Variants in RALGAPA2 observed in about 807,000 individuals in gnomAD.
RALGAPA2 encodes the protein Ral GTPase activating protein catalytic subunit alpha 2.
In RALGAPA2, 139 loss-of-function variants were observed where a neutral mutation model predicts 230.4. That is an observed-to-expected ratio of 0.60 (90% CI 0.53 to 0.69). RALGAPA2 has a LOEUF of 0.69. Ranked by LOEUF, RALGAPA2 falls within the 30% of genes least tolerant of loss-of-function variation. The pLI is 0.00. For synonymous variants in RALGAPA2, 847 were observed against 837.8 expected, an observed-to-expected ratio of 1.01 and a Z score of -0.19; for missense variants, 2,163 against 2,276.0, an observed-to-expected ratio of 0.95 and a Z score of 1.01.
intron 23 of RALGAPA2, among the ~76,000 whole-genome samples, chr20:20,562,177 A>G (rs2064274614): frequency 6.6e-6 from 1 of 150,898 alleles, no homozygotes; most frequent in South Asian, 2.1e-4. Context: ...CAGTCTCAGA[A>G]GAAGGTCTTT....
chr20:20,466,100 G>T (rs2061416272), intron 37 of RALGAPA2, among the ~76,000 whole-genome samples: 1 of 152,234 alleles, frequency 6.6e-6, no homozygotes, highest in East Asian at 1.9e-4. Context: ...CTGGCACCAG[G>T]CCTCAGCACT....
At chr20:20,670,574 A>T (rs1021726991) in intron 3 of RALGAPA2, among the ~76,000 whole-genome samples, 2 of 152,044 alleles carry the variant, frequency 1.3e-5, no homozygotes, top group African/African-American at 4.8e-5. Context: ...CCACATCTCC[A>T]TTTGAAAGAC....
intron 17 of RALGAPA2, 90 bp from the exon 18 acceptor site, chr20:20,589,455 T>C: frequency 7.7e-7 from 1 of 1,301,838 alleles, no homozygotes; most frequent in South Asian, 1.4e-5. Context: ...AGGTAACTAT[T>C]AAATTTAAAT....
chr20:20,567,507 G>A (rs2064469296), intron 23 of RALGAPA2, among the ~76,000 whole-genome samples: 1 of 152,168 alleles, frequency 6.6e-6, no homozygotes, highest in Non-Finnish European at 1.5e-5. Context: ...CAAGGGCAGA[G>A]CCCAGGCAAA....
intron 9 of RALGAPA2, among the ~76,000 whole-genome samples, chr20:20,630,836 A>G (rs1233547814): frequency 6.6e-6 from 1 of 152,146 alleles, no homozygotes; most frequent in African/African-American, 2.4e-5. Flanking sequence ...TAGGACACAG[A>G]GGCTAGATTA....
At chr20:20,469,304 A>T (rs1158741737) in intron 37 of RALGAPA2, among the ~76,000 whole-genome samples, 1 of 152,252 alleles carries the variant, frequency 6.6e-6, no homozygotes, top group African/African-American at 2.4e-5. Flanking sequence ...AACAAGAAAG[A>T]AACAAGGTTG....
At chr20:20,486,614 C>T (rs1402392686) in intron 36 of RALGAPA2, among the ~76,000 whole-genome samples, 2 of 152,150 alleles carry the variant, frequency 1.3e-5, no homozygotes, top group African/African-American at 4.8e-5. Context: ...GTTCCTGGTG[C>T]TTCCTGGATC....
At chr20:20,636,391 T>G (rs2066858117) in intron 8 of RALGAPA2, among the ~76,000 whole-genome samples, 1 of 152,218 alleles carries the variant, frequency 6.6e-6, no homozygotes, top group African/African-American at 2.4e-5. Context: ...ACCATGTTTT[T>G]AAAATGAATT....
At chr20:20,508,639 G>T (rs533842055) in intron 33 of RALGAPA2, among the ~76,000 whole-genome samples, 1 of 152,164 alleles carries the variant, frequency 6.6e-6, no homozygotes, top group East Asian at 1.9e-4. Context: ...CAAGAGCAGT[G>T]AGATACATTG....
At chr20:20,667,297 G>C (rs1226047502) in intron 3 of RALGAPA2, among the ~76,000 whole-genome samples, 1 of 152,096 alleles carries the variant, frequency 6.6e-6, no homozygotes, top group Non-Finnish European at 1.5e-5. Flanking sequence ...AGCTCACCTG[G>C]AGCAATGAAG....
At position 20,526,315 on chromosome 20, in the gene RALGAPA2, C is replaced by T. The variant is rs201312392; in HGVS notation, c.3630G>A (p.Leu1210=). 8.1e-6 allele frequency: 13 copies of T among 1,608,366 alleles called. No homozygotes were observed. Among genetic ancestry groups the T allele is most frequent in the South Asian group, 1.1e-5 (1 of 89,096 alleles). Reference sequence around the variant, plus strand: ...GAAGCTTCTCCCAGTAGGAAACCAGCAACTGAAGGACATCGCAAGCTACCT... The same window carrying T: ...GAAGCTTCTCCCAGTAGGAAACCAGTAACTGAAGGACATCGCAAGCTACCT... ...VAQVACDVLQ[L]LVSYWEKLQM... Residue 1210 remains leucine, a synonymous_variant, in exon 28 of 40, where the codon TTG becomes TTA. Transcript: ENST00000202677.
At chr20:20,632,616 G>A (rs2066713165) in intron 9 of RALGAPA2, among the ~76,000 whole-genome samples, 1 of 152,224 alleles carries the variant, frequency 6.6e-6, no homozygotes, top group Non-Finnish European at 1.5e-5. Context: ...CACTTAAGAT[G>A]TGATGTAAAT....
chr20:20,556,264 C>T (rs1243158646), intron 23 of RALGAPA2, among the ~76,000 whole-genome samples: 5 of 152,158 alleles, frequency 3.3e-5, no homozygotes, highest in Admixed American at 2.6e-4. Flanking sequence ...TTTTCTCTGA[C>T]CAACACAACA....
In RALGAPA2 at chr20:20,586,423, G is replaced by A. The variant is rs1602951433; in HGVS notation, c.2440-1468C>T. Among the ~76,000 whole-genome samples the A allele has an allele frequency of 3.9e-5, 6 of 152,296 alleles. No homozygotes were observed. In the South Asian group the frequency reaches 1.2e-3, roughly 32 times the overall value. On this transcript the variant is annotated intron_variant, in intron 18 of 39. Transcript: ENST00000202677. The stretch of plus-strand genomic sequence containing the variant: ...AATTTAGAAATCCACGTTTTCTGCA[G>A]ATTAAGATCAGCCAGCTAGGAACCC...
intron 36 of RALGAPA2, among the ~76,000 whole-genome samples, chr20:20,481,208 C>A (rs1030419887): frequency 6.6e-6 from 1 of 152,154 alleles, no homozygotes; most frequent in African/African-American, 2.4e-5. Flanking sequence ...AGGAAGTGCC[C>A]AGTTGTTGGA....
At chr20:20,568,213 T>A (rs4142519) in intron 23 of RALGAPA2, among the ~76,000 whole-genome samples, 2,515 of 152,142 alleles carry the variant, frequency 0.017, 95 homozygotes, top group East Asian at 0.14. Flanking sequence ...CATCAATTTT[T>A]AAAAAAAATT....
intron 33 of RALGAPA2, among the ~76,000 whole-genome samples, 167 bp downstream of exon 33, chr20:20,511,087 T>C (rs2062691253): frequency 6.6e-6 from 1 of 152,202 alleles, no homozygotes; most frequent in Non-Finnish European, 1.5e-5. Context: ...TTATTCCTTA[T>C]AGTAAAAAAC....
chr20:20,453,422 G>A (rs956064290), intron 37 of RALGAPA2, among the ~76,000 whole-genome samples: 30 of 152,174 alleles, frequency 2.0e-4, no homozygotes, highest in Non-Finnish European at 4.4e-5. Context: ...GTGCACATCT[G>A]GGTGCTGTGG....
At chr20:20,494,610 GGCCGTGCTCCAGAGTCCCGGCCTC>G (rs1205365250) in intron 36 of RALGAPA2, among the ~76,000 whole-genome samples, 1 of 152,140 alleles carries the variant, frequency 6.6e-6, no homozygotes, top group East Asian at 1.9e-4. Context: ...TCATCACGTG[GGCCGTGCTCCAGAGTCCCGGCCTC>G]TTCGTGGACA....
Sources: allele counts gnomAD v4.1 joint callset (sites outside exome capture counted in the v4.1 genomes callset), GRCh38; gene constraint gnomAD v4.1.1; transcripts MANE v1.5; gene names NCBI Gene and HGNC (gene_info 2026-07-23, HGNC 2026-07-21).